Variants in SBF2 observed in about 807,000 individuals in gnomAD.
SBF2 encodes SET binding factor 2, also known as myotubularin-related protein 13.
Under a neutral mutation model 225.2 loss-of-function variants are expected in SBF2, and 112 were observed. That is an observed-to-expected ratio of 0.50 (90% CI 0.43 to 0.58). The LOEUF is 0.58. SBF2 is among the 20% of genes least tolerant of loss of function. The pLI is 0.00. For synonymous variants in SBF2, 763 were observed against 773.3 expected (o/e 0.99, Z 0.22); for missense variants, 1,996 against 2,206.2 (o/e 0.90, Z 1.91).
chr11:9,963,747 A>C (rs750871359), intron 15 of SBF2, 26 bp downstream of exon 15: 8 of 1,097,222 alleles, frequency 7.3e-6, no homozygotes, highest in Middle Eastern at 2.0e-4. Flanking sequence ...ATAAATGCTT[A>C]CTTGGGAAAG....
At chr11:10,230,361 G>T (rs577636507) in intron 1 of SBF2, among the ~76,000 whole-genome samples, 52 of 152,210 alleles carry the variant, frequency 3.4e-4, no homozygotes, top group African/African-American at 1.2e-3. Flanking sequence ...TTATGATGCT[G>T]GCTGGTTATT....
At chr11:9,898,231 C>G (rs1302575811) in intron 16 of SBF2, among the ~76,000 whole-genome samples, 1 of 152,210 alleles carries the variant, frequency 6.6e-6, no homozygotes, top group Admixed American at 6.5e-5. Flanking sequence ...AAGTGGCCAT[C>G]TAGTCTAAAG....
intron 29 of SBF2, among the ~76,000 whole-genome samples, chr11:9,813,530 G>A (rs1224765592): frequency 6.6e-6 from 1 of 152,124 alleles, no homozygotes; most frequent in African/African-American, 2.4e-5. Flanking sequence ...CTTTCACCAT[G>A]TTGCCCAGGA....
intron 1 of SBF2, among the ~76,000 whole-genome samples, chr11:10,212,927 T>C (rs1328658911): frequency 6.6e-6 from 1 of 152,060 alleles, no homozygotes; most frequent in African/African-American, 2.4e-5. Flanking sequence ...TGCACGCCTG[T>C]AGTCCCAGCT....
intron 1 of SBF2, among the ~76,000 whole-genome samples, chr11:10,292,315 C>T (rs980518055): frequency 6.6e-6 from 1 of 152,180 alleles, no homozygotes; most frequent in East Asian, 1.9e-4. Flanking sequence ...TCAACAGCTT[C>T]CTCTCAAATT....
intron 2 of SBF2, among the ~76,000 whole-genome samples, chr11:10,153,358 C>T (rs894005866): frequency 4.6e-5 from 7 of 152,080 alleles, no homozygotes; most frequent in African/African-American, 1.7e-4. Context: ...CTTCTGACCA[C>T]CATGCAGTTA....
At chr11:10,255,258 A>C (rs1960771736) in intron 1 of SBF2, among the ~76,000 whole-genome samples, 1 of 152,248 alleles carries the variant, frequency 6.6e-6, no homozygotes, top group Non-Finnish European at 1.5e-5. Context: ...ATACAAAATC[A>C]GTAAGTTAAT....
At chr11:10,089,120 G>A (rs777516111) in intron 2 of SBF2, among the ~76,000 whole-genome samples, 2 of 152,128 alleles carry the variant, frequency 1.3e-5, no homozygotes, top group South Asian at 2.1e-4. Context: ...GCATAGTGGC[G>A]AAGTCTGTAC....
intron 2 of SBF2, among the ~76,000 whole-genome samples, chr11:10,111,527 A>G (rs1479483548): frequency 1.3e-5 from 2 of 152,250 alleles, no homozygotes; most frequent in Non-Finnish European, 2.9e-5. Context: ...AGCCTTAAGA[A>G]TTTCTCTCTA....
intron 2 of SBF2, among the ~76,000 whole-genome samples, chr11:10,088,979 C>T (rs1951679729): frequency 6.6e-6 from 1 of 152,210 alleles, no homozygotes; most frequent in African/African-American, 2.4e-5. Flanking sequence ...CCAAGATCAT[C>T]ATCAGTATTT....
chr11:10,112,988 A>G (rs1428802947), intron 2 of SBF2, among the ~76,000 whole-genome samples: 1 of 151,938 alleles, frequency 6.6e-6, no homozygotes, highest in African/African-American at 2.4e-5. Context: ...TCATTCTCTT[A>G]TTTTATTTGT....
At chr11:10,132,091 T>C (rs1025223145) in intron 2 of SBF2, among the ~76,000 whole-genome samples, 2 of 152,210 alleles carry the variant, frequency 1.3e-5, no homozygotes, top group African/African-American at 2.4e-5. Flanking sequence ...GATATCCAAT[T>C]GCACTGGCCC....
Position 10,294,197 on chromosome 11 carries a change from G to A in SBF2, c.-128C>T, listed in dbSNP as rs886047579. 91 of 685,156 alleles carry A rather than the reference G, an allele frequency of 1.3e-4. No individual in the cohort carries two copies. The highest frequency in any genetic ancestry group is 1.6e-4 in the Non-Finnish European group (76 of 489,366). 42.4% of individuals were successfully genotyped at this position (685,156 alleles called of 1,614,324 possible). A position where few individuals can be genotyped will look rare whatever the true frequency, so the allele number is the denominator to read the frequency against. The stretch of plus-strand genomic sequence containing the variant: ...GCGGCAGCGGCAGCGCTTCAGCCAT[G>A]TTTGACAACCGAGGCGCGCTCTGCG... On this transcript the variant is annotated 5_prime_UTR_variant, in exon 1 of 40. Coordinates refer to ENST00000256190, the MANE Select transcript of SBF2 (RefSeq NM_030962.4).
intron 17 of SBF2, among the ~76,000 whole-genome samples, chr11:9,893,440 G>A (rs1343918559): frequency 6.6e-6 from 1 of 152,206 alleles, no homozygotes; most frequent in African/African-American, 2.4e-5. Flanking sequence ...CCAAAATGCA[G>A]AATATTAAGC....
At chr11:10,037,624 A>G (rs1267087835) in intron 3 of SBF2, among the ~76,000 whole-genome samples, 1 of 146,862 alleles carries the variant, frequency 6.8e-6, no homozygotes, top group Non-Finnish European at 1.5e-5. Context: ...ACTAGTGTAC[A>G]GCAACTTTTG....
At chr11:10,066,344 C>CTA (rs568742709) in intron 2 of SBF2, among the ~76,000 whole-genome samples, 2,189 of 149,816 alleles carry the variant, frequency 0.015, 54 homozygotes, top group African/African-American at 0.05. Flanking sequence ...ATATCTATAT[C>CTA]TATATATATA....
At chr11:10,179,687 T>C (rs1017943721) in intron 2 of SBF2, among the ~76,000 whole-genome samples, 4 of 152,200 alleles carry the variant, frequency 2.6e-5, no homozygotes, top group African/African-American at 9.6e-5. Context: ...TTTATATATC[T>C]GGGTGCTCCA....
At chr11:10,132,973 C>T (rs1445167397) in intron 2 of SBF2, among the ~76,000 whole-genome samples, 3 of 149,118 alleles carry the variant, frequency 2.0e-5, no homozygotes, top group Non-Finnish European at 4.4e-5. Flanking sequence ...TTGGTGCATT[C>T]ACAAACCTTG....
At chr11:9,819,482 AAAG>A (rs1156468407) in intron 28 of SBF2, 2 of 152,232 alleles carry the variant, frequency 1.3e-5, no homozygotes, top group East Asian at 3.8e-4. Flanking sequence ...GTCACAAAAA[AAAG>A]ATGTATTGAG....
Sources: allele counts gnomAD v4.1 joint callset (sites outside exome capture counted in the v4.1 genomes callset), GRCh38; gene constraint gnomAD v4.1.1; transcripts MANE v1.5; gene names NCBI Gene and HGNC (gene_info 2026-07-23, HGNC 2026-07-21).